ZBTB20: variants seen among roughly 807,000 people sequenced by gnomAD.
ZBTB20 encodes zinc finger and BTB domain containing 20, also known as zinc finger and BTB domain-containing protein 20.
In ZBTB20, 9 loss-of-function variants were observed where a neutral mutation model predicts 56.9. That is an observed-to-expected ratio of 0.16 (90% CI 0.10 to 0.28). The LOEUF (loss-of-function observed/expected upper bound fraction) is 0.28. Ranked by LOEUF, ZBTB20 falls within the 10% of genes least tolerant of loss-of-function variation. The probability of loss-of-function intolerance (pLI) is 1.00; values close to 1 mark genes in which losing one functional copy is unlikely to be tolerated. For missense variants in ZBTB20, 655 were observed against 1,003.0 expected (o/e 0.65, Z 4.69); for synonymous variants, 417 against 420.7 (o/e 0.99, Z 0.11).
At chr3:114,776,032 C>CTTTTTTTTTTTTTTTTTTTTTTTTTT (rs11324801) in intron 5 of ZBTB20, among the ~76,000 whole-genome samples, 1 of 135,548 alleles carries the variant, frequency 7.4e-6, no homozygotes, top group Non-Finnish European at 1.6e-5. Context: ...AATTTTTTTT[C>CTTTTTTTTTTTTTTTTTTTTTTTTTT]TTTTTTTTTT....
chr3:115,081,639 GAGA>G (rs1275276223), intron 1 of ZBTB20, among the ~76,000 whole-genome samples: 2 of 150,638 alleles, frequency 1.3e-5, no homozygotes, highest in Non-Finnish European at 3.0e-5. Flanking sequence ...ATTTGTTGTG[GAGA>G]AGGACCCCTG....
rs2074480470 is a variant in ZBTB20, at chr3:114,843,395, T to A, written c.-416-42221A>T. 2.6e-5 allele frequency among the ~76,000 whole-genome samples: 4 copies of A among 152,268 alleles called. No homozygotes were observed. The East Asian group carries it at 7.7e-4, about 29-fold the overall frequency. ...TTTCAGGACTCTAAGTTATATTATC[T>A]CCATTATACAGTAGAGAAAAATCAT... On this transcript the variant is annotated intron_variant, in intron 4 of 11. Transcript: ENST00000675478.
chr3:114,817,340 G>A (rs1243452772), intron 4 of ZBTB20, among the ~76,000 whole-genome samples: 2 of 151,904 alleles, frequency 1.3e-5, no homozygotes, highest in Admixed American at 6.6e-5. Flanking sequence ...CCAACATGGA[G>A]AAACCCCGTC....
chr3:114,967,311 A>AT (rs896792960), intron 3 of ZBTB20, among the ~76,000 whole-genome samples: 20 of 152,198 alleles, frequency 1.3e-4, no homozygotes, highest in African/African-American at 4.6e-4. Context: ...TAAATATCTT[A>AT]TTTTTATCCA....
chr3:114,482,964 C>T (rs2041719746), intron 7 of ZBTB20, among the ~76,000 whole-genome samples: 1 of 152,156 alleles, frequency 6.6e-6, no homozygotes, highest in South Asian at 2.1e-4. Flanking sequence ...ACCTGCAGCA[C>T]AAATATAGGC....
intron 2 of ZBTB20, among the ~76,000 whole-genome samples, chr3:115,032,958 T>TAAAAAAAAAAAAAAAA (rs77048136): frequency 7.1e-5 from 4 of 56,544 alleles, no homozygotes; most frequent in East Asian, 1.0e-3. Flanking sequence ...CCTAAGGAAC[T>TAAAAAAAAAAAAAAAA]AAAAAAAAAA....
intron 1 of ZBTB20, among the ~76,000 whole-genome samples, chr3:115,080,958 A>G (rs976669425): frequency 1.3e-5 from 2 of 152,324 alleles, no homozygotes; most frequent in East Asian, 3.9e-4. Context: ...ACATGCATAG[A>G]CAGGTCAATG....
chr3:114,423,874 C>G (rs1295023032), intron 7 of ZBTB20, among the ~76,000 whole-genome samples: 1 of 152,220 alleles, frequency 6.6e-6, no homozygotes, highest in Non-Finnish European at 1.5e-5. Flanking sequence ...TTGAAATACT[C>G]TTTCATAAAA....
Position 114,748,322 on chromosome 3 carries a change from C to CTTTCT in ZBTB20, c.-343+52774_-343+52778dup, listed in dbSNP as rs1553807195. ...TCTTTCTTTCTTTCTTTCTTTCTTT[C>CTTTCT]TTTCTTTCTTTCTTCTTTCTTTCTT... On this transcript the variant is annotated intron_variant, in intron 5 of 11. Transcript: ENST00000675478. Among the ~76,000 whole-genome samples, 78 of 114,264 alleles carry CTTTCT rather than the reference C, an allele frequency of 6.8e-4. 1 individual carries two copies. The highest frequency in any genetic ancestry group is 3.9e-3 in the South Asian group (13 of 3,322). The allele number at this position is 114,264 out of a possible 152,430, so 75.0% of individuals were successfully genotyped here.
chr3:114,984,118 A>C (rs1288226944), intron 2 of ZBTB20, among the ~76,000 whole-genome samples: 1 of 151,926 alleles, frequency 6.6e-6, no homozygotes, highest in African/African-American at 2.4e-5. Context: ...AATCCAGTCC[A>C]TCTACCAACA....
intron 6 of ZBTB20, among the ~76,000 whole-genome samples, chr3:114,623,849 G>A (rs1447564580): frequency 6.6e-6 from 1 of 151,604 alleles, no homozygotes; most frequent in African/African-American, 2.4e-5. Context: ...TGCTAGGCAT[G>A]TCAAGGCTGA....
At chr3:114,809,224 A>C (rs980420963) in intron 4 of ZBTB20, among the ~76,000 whole-genome samples, 1 of 151,834 alleles carries the variant, frequency 6.6e-6, no homozygotes, top group African/African-American at 2.4e-5. Flanking sequence ...GTTATTCATC[A>C]CATTTGGGAA....
chr3:115,118,483 AATC>A (rs1278243833), intron 1 of ZBTB20, among the ~76,000 whole-genome samples: 1 of 152,166 alleles, frequency 6.6e-6, no homozygotes, highest in African/African-American at 2.4e-5. Context: ...GTCACTCTGT[AATC>A]ATACTTTAAC....
At chr3:114,493,333 A>T (rs1481491925) in intron 7 of ZBTB20, among the ~76,000 whole-genome samples, 1 of 152,216 alleles carries the variant, frequency 6.6e-6, no homozygotes. Context: ...TGCTATGTAC[A>T]TTGGTGTAAC....
At position 114,937,310 on chromosome 3, in the gene ZBTB20, C is replaced by G. The variant is rs140579310; in HGVS notation, c.-455-36968G>C. 1.8e-4 allele frequency among the ~76,000 whole-genome samples: 28 copies of G among 152,280 alleles called. No homozygotes were observed. In the East Asian group the frequency reaches 5.4e-3, roughly 29 times the overall value. ...TTCTGACTTTTTAATGGTCGCCATT[C>G]TAACTGGCTTGAGATGGTTTCTCAC... On this transcript the variant is annotated intron_variant, in intron 3 of 11. Transcript: ENST00000675478.
chr3:114,530,204 C>G (rs1453399499), intron 6 of ZBTB20, among the ~76,000 whole-genome samples: 1 of 152,212 alleles, frequency 6.6e-6, no homozygotes, highest in Non-Finnish European at 1.5e-5. Context: ...TTCACTCACC[C>G]AGAGTAACTT....
intron 11 of ZBTB20, among the ~76,000 whole-genome samples, chr3:114,344,129 G>A (rs1418009776): frequency 6.6e-6 from 1 of 152,190 alleles, no homozygotes; most frequent in Non-Finnish European, 1.5e-5. Flanking sequence ...TCCCTGGGAT[G>A]TGATCCTGTT....
At chr3:114,755,668 T>TTC (rs2067959756) in intron 5 of ZBTB20, among the ~76,000 whole-genome samples, 1 of 152,114 alleles carries the variant, frequency 6.6e-6, no homozygotes, top group Non-Finnish European at 1.5e-5. Flanking sequence ...TGTCCTTTTT[T>TTC]TCTCTCTCTA....
chr3:114,967,775 G>A (rs2077706498), intron 3 of ZBTB20, among the ~76,000 whole-genome samples: 1 of 151,984 alleles, frequency 6.6e-6, no homozygotes, highest in Non-Finnish European at 1.5e-5. Flanking sequence ...TGGCCAATGT[G>A]GTGAAACCCC....
Sources: gnomAD v4.1 joint callset for allele counts (sites outside exome capture counted in the v4.1 genomes callset) on GRCh38, gnomAD v4.1.1 for gene constraint, MANE v1.5 for transcripts, NCBI Gene and HGNC (gene_info 2026-07-23, HGNC 2026-07-21) for gene names.